The following CLN5 variants were observed in gnomAD, a reference collection of about 807,000 sequenced individuals.
CLN5 encodes the protein CLN5 lysosomal BMP synthase.
CLN5 carries 34 observed loss-of-function variants against 36.7 expected under a neutral mutation model. That is an observed-to-expected ratio of 0.93 (90% CI 0.71 to 1.23). The LOEUF is 1.23. CLN5 is among the 50% of genes most tolerant of loss of function. The pLI is 0.00. For synonymous variants in CLN5, 151 were observed against 155.1 expected (o/e 0.97, Z 0.20); for missense variants, 427 against 439.4 (o/e 0.97, Z 0.25).
rs1246235291 is a variant in CLN5 at position 77,002,334 on chromosome 13, T to G, written c.*1365T>G. 1 of 152,232 alleles carries G rather than the reference T, an allele frequency of 6.6e-6. No homozygotes were observed. The highest frequency in any genetic ancestry group is 1.5e-5 in the Non-Finnish European group (1 of 68,034). The allele number at this position is 152,232 out of a possible 1,614,324, so 9.4% of individuals were successfully genotyped here. ...GGTCTTGAACCCCGGTTCTGCTGAC[T>G]GAATTGGATGCACTATAGTACAGGC... On this transcript the variant is annotated 3_prime_UTR_variant, in exon 4 of 4. Coordinates refer to ENST00000377453, the MANE Select transcript of CLN5 (RefSeq NM_006493.4).
intron 3 of CLN5, chr13:76,997,252 T>A (rs1380092429): frequency 6.6e-6 from 1 of 152,150 alleles, no homozygotes; most frequent in Admixed American, 6.6e-5. Flanking sequence ...GTTCAAGCGA[T>A]TCTCCAGCCT....
At chr13:76,997,717 T>C (rs2034292550) in intron 3 of CLN5, 1 of 152,238 alleles carries the variant, frequency 6.6e-6, no homozygotes, top group South Asian at 2.1e-4. Flanking sequence ...ACTTCACCTG[T>C]TGGTGATGAG....
intron 1 of CLN5, 61 bp downstream of exon 1, chr13:76,992,332 G>C: frequency 7.1e-7 from 1 of 1,418,290 alleles, no homozygotes; most frequent in Non-Finnish European, 9.4e-7. Flanking sequence ...GGGGGATGGG[G>C]TGCTGGGGCG....
intron 1 of CLN5, 33 bp downstream of exon 1, chr13:76,992,304 G>A: frequency 6.5e-7 from 1 of 1,527,862 alleles, no homozygotes; most frequent in Non-Finnish European, 8.7e-7. Context: ...TGTCGGGGTT[G>A]GGGTCGGCGT....
Position 76,992,238 on chromosome 13 carries a change from T to TC in CLN5, c.144dup (p.Ser49LeufsTer13), listed in dbSNP as rs386833970. 6.3e-7 allele frequency: 1 copy of TC among 1,587,052 alleles called. No individual in the cohort carries two copies. The highest frequency in any genetic ancestry group is 1.7e-5 in the Admixed American group (1 of 57,904). ...CCGGGCTGGTCCCGGGTCTCGGGCA[T>TC]CCCCTCCCGGCGCCACTGGCCGGTG... On this transcript the variant is annotated frameshift_variant, in exon 1 of 4. Transcript: ENST00000377453. LOFTEE classifies it high-confidence loss of function.
At position 77,003,493 on chromosome 13, in the gene CLN5, A is replaced by G. The variant is rs1468082274; in HGVS notation, c.*2524A>G. On this transcript the variant is annotated 3_prime_UTR_variant, in exon 4 of 4. Transcript: ENST00000377453. ...TAGAGCTTTCAGGTGAAGATGATTC[A>G]AGAACATGCTTTCAAAATAGTAGTT... 1 of 152,192 alleles carries G rather than the reference A, an allele frequency of 6.6e-6. No homozygotes were observed. The highest frequency in any genetic ancestry group is 6.5e-5 in the Admixed American group (1 of 15,274). The allele number at this position is 152,192 out of a possible 1,614,324, so 9.4% of individuals were successfully genotyped here. A position where few individuals can be genotyped will look rare whatever the true frequency, so the allele number is the denominator to read the frequency against.
In CLN5 at chr13:77,004,573, T is replaced by A. The variant is rs999831527; in HGVS notation, c.*3604T>A. The stretch of plus-strand genomic sequence containing the variant: ...GGGTGTCAGCAAGCAGCTGGAATTT[T>A]CCTGCCTGGTAAAATTAAAACCAGC... On this transcript the variant is annotated 3_prime_UTR_variant, in exon 4 of 4. Coordinates refer to ENST00000377453, the MANE Select transcript of CLN5 (RefSeq NM_006493.4). The A allele has an allele frequency of 2.0e-5, 3 of 152,196 alleles. No homozygotes were observed. Among genetic ancestry groups the A allele is most frequent in the African/African-American group, 4.8e-5 (2 of 41,444 alleles). The allele number at this position is 152,196 out of a possible 1,614,324, so 9.4% of individuals were successfully genotyped here. A position where few individuals can be genotyped will look rare whatever the true frequency, so the allele number is the denominator to read the frequency against.
intron 2 of CLN5, chr13:76,995,482 G>A: frequency 1.9e-6 from 1 of 526,406 alleles, no homozygotes; most frequent in South Asian, 2.1e-5. Context: ...CCTGGAAGGT[G>A]AGAAGAGGCC....
At position 77,001,082 on chromosome 13, in the gene CLN5, A is replaced by G; in HGVS notation, c.*113A>G. On this transcript the variant is annotated 3_prime_UTR_variant, in exon 4 of 4. Transcript: ENST00000377453. ...TTCTTCCTTGGTGCATAAAGTTAAA[A>G]TGCACATCAGCAGAATTGCTGCATA... 1 of 913,488 alleles carries G rather than the reference A, an allele frequency of 1.1e-6. No homozygotes were observed. The highest frequency in any genetic ancestry group is 2.6e-5 in the East Asian group (1 of 39,118). 56.6% of individuals were successfully genotyped at this position (913,488 alleles called of 1,614,324 possible).
Position 76,994,702 on chromosome 13 carries a change from A to G in CLN5, c.174-361A>G, listed in dbSNP as rs1251107403. On this transcript the variant is annotated intron_variant, in intron 1 of 3. Coordinates refer to ENST00000377453, the MANE Select transcript of CLN5 (RefSeq NM_006493.4). Reference sequence around the variant, plus strand: ...ATAATTATCTGAATAATCTTAATGTATGGACTGTTTGTAAAATTGAACACA... The same window carrying G: ...ATAATTATCTGAATAATCTTAATGTGTGGACTGTTTGTAAAATTGAACACA... 1.3e-5 allele frequency: 3 copies of G among 223,770 alleles called. No homozygotes were observed. The South Asian group carries it at 2.0e-4, about 15-fold the overall frequency. 13.9% of individuals were successfully genotyped at this position (223,770 alleles called of 1,614,324 possible). A position where few individuals can be genotyped will look rare whatever the true frequency, so the allele number is the denominator to read the frequency against.
chr13:77,000,975 C>G lies in CLN5; in HGVS notation c.*6C>G. The G allele has an allele frequency of 6.2e-7, 1 of 1,600,060 alleles. No individual in the cohort carries two copies. Among genetic ancestry groups the G allele is most frequent in the Non-Finnish European group, 8.5e-7 (1 of 1,174,598 alleles). The stretch of plus-strand genomic sequence containing the variant: ...AAACACTCTCTGGTTTATAAAACAC[C>G]TTAATTCTACTGCTCTTTTTTCTCC... On this transcript the variant is annotated 3_prime_UTR_variant, in exon 4 of 4. Transcript: ENST00000377453.
chr13:76,992,118 C>T lies in CLN5; in HGVS notation c.20C>T (p.Thr7Met), dbSNP rs752389963. Residue 7 changes from threonine (T) to methionine (M), a missense_variant, in exon 1 of 4, where the codon ACG becomes ATG. Transcript: ENST00000377453. ...AGCCTGATGGCGCAGGAGGTAGACACGGCACAGGGCGCCGAGATGCGGCGG... is the reference window on the plus strand; with the variant it reads ...AGCCTGATGGCGCAGGAGGTAGACATGGCACAGGGCGCCGAGATGCGGCGG... MAQEVD[T>M]AQGAEMRRGA... 3 of 1,610,970 alleles carry T rather than the reference C, an allele frequency of 1.9e-6. No homozygotes were observed. The highest frequency in any genetic ancestry group is 2.2e-5 in the East Asian group (1 of 44,790).
rs1161385670 is a variant in CLN5, at chr13:77,000,795, T to C, written c.903T>C (p.Thr301=). 5.0e-6 allele frequency: 8 copies of C among 1,612,580 alleles called. No individual in the cohort carries two copies. The highest frequency in any genetic ancestry group is 6.8e-6 in the Non-Finnish European group (8 of 1,179,516). The part of the protein sequence containing the change: ...FYYPFKPHLP[T]KEFLLSLLQI... Reference sequence around the variant, plus strand: ...ACCCCTTCAAACCACATTTGCCAACTAAAGAATTTCTGTTGAGTCTCTTGC... The same window carrying C: ...ACCCCTTCAAACCACATTTGCCAACCAAAGAATTTCTGTTGAGTCTCTTGC... The change falls in exon 4 of 4, where the codon ACT becomes ACC. Residue 301 remains threonine (T), a synonymous_variant. Coordinates refer to ENST00000377453, the MANE Select transcript of CLN5 (RefSeq NM_006493.4).
chr13:77,001,909 A>G lies in CLN5; in HGVS notation c.*940A>G, dbSNP rs1044698469. ...CCTGTAGTTCTCCCTCTTCCCACAA[A>G]GCTGTCAGCGCAGTGGAAGAGGTTG... On this transcript the variant is annotated 3_prime_UTR_variant, in exon 4 of 4. Coordinates refer to ENST00000377453, the MANE Select transcript of CLN5 (RefSeq NM_006493.4). 3 of 152,330 alleles carry G rather than the reference A, an allele frequency of 2.0e-5. No individual in the cohort carries two copies. The highest frequency in any genetic ancestry group is 4.1e-4 in the South Asian group (2 of 4,822). 9.4% of individuals were successfully genotyped at this position (152,330 alleles called of 1,614,324 possible).
At position 77,003,653 on chromosome 13, in the gene CLN5, T is replaced by C. The variant is rs887263146; in HGVS notation, c.*2684T>C. On this transcript the variant is annotated 3_prime_UTR_variant, in exon 4 of 4. Coordinates refer to ENST00000377453, the MANE Select transcript of CLN5 (RefSeq NM_006493.4). ...TGCAGTTTCTATTTTGCTATTGTTA[T>C]AGATGTAGGCTGGGTGCGGTGGCTT... 1.3e-5 allele frequency: 2 copies of C among 152,214 alleles called. No individual in the cohort carries two copies. Among genetic ancestry groups the C allele is most frequent in the East Asian group, 3.9e-4 (2 of 5,190 alleles). The allele number at this position is 152,214 out of a possible 1,614,324, so 9.4% of individuals were successfully genotyped here.
Position 77,001,185 on chromosome 13 carries a change from C to A in CLN5, c.*216C>A. ...GGCCAAAGTGAGCGAGTTAGGTGAT[C>A]TTGGTTTCAATTTCCGAGCCTTTGT... is the stretch of plus-strand genomic sequence containing the variant. On this transcript the variant is annotated 3_prime_UTR_variant, in exon 4 of 4. Coordinates refer to ENST00000377453, the MANE Select transcript of CLN5 (RefSeq NM_006493.4). 9.0e-6 allele frequency: 4 copies of A among 444,166 alleles called. No individual in the cohort carries two copies. Among genetic ancestry groups the A allele is most frequent in the Non-Finnish European group, 1.2e-5 (3 of 249,636 alleles). 27.5% of individuals were successfully genotyped at this position (444,166 alleles called of 1,614,324 possible).
intron 3 of CLN5, 48 bp from the exon 4 acceptor site, chr13:77,000,410 T>G: frequency 1.3e-6 from 2 of 1,500,732 alleles, no homozygotes; most frequent in Non-Finnish European, 1.8e-6. Context: ...AAAATTAACA[T>G]GATTAGCTTT....
At chr13:76,999,500 T>C (rs1295089996) in intron 3 of CLN5, 1 of 152,226 alleles carries the variant, frequency 6.6e-6, no homozygotes, top group East Asian at 1.9e-4. Flanking sequence ...ACGTGGCAGG[T>C]GGAGAGGTCA....
At position 77,004,823 on chromosome 13, in the gene CLN5, A is replaced by T. The variant is rs1407026288; in HGVS notation, c.*3854A>T. On this transcript the variant is annotated 3_prime_UTR_variant, in exon 4 of 4. Transcript: ENST00000377453. ...ACCTATTTTTTCTGATATGGTTACA[A>T]CAGCCCAAATTACCAAGATAAGTTG... 2.0e-5 allele frequency: 3 copies of T among 152,206 alleles called. No homozygotes were observed. Among genetic ancestry groups the T allele is most frequent in the Non-Finnish European group, 4.4e-5 (3 of 68,030 alleles). The allele number at this position is 152,206 out of a possible 1,614,324, so 9.4% of individuals were successfully genotyped here.
Sources: gnomAD v4.1 joint callset for allele counts on GRCh38, gnomAD v4.1.1 for gene constraint, MANE v1.5 for transcripts, NCBI Gene and HGNC (gene_info 2026-07-23, HGNC 2026-07-21) for gene names.